Variants in DBH observed in about 807,000 individuals in gnomAD.
DBH encodes the protein dopamine beta-hydroxylase (dopamine beta-monooxygenase).
Under a neutral mutation model 64.0 loss-of-function variants are expected in DBH, and 49 were observed. The observed-to-expected ratio is 0.77, with a 90% CI of 0.61 to 0.97. The LOEUF (loss-of-function observed/expected upper bound fraction) is 0.97, where lower values mean the gene tolerates loss of function less well. Ranked by LOEUF, DBH falls within the 50% of genes least tolerant of loss-of-function variation. The pLI is 0.00. For missense variants in DBH, 828 were observed against 826.6 expected, an observed-to-expected ratio of 1.00 and a Z score of -0.02; for synonymous variants, 343 against 347.1, an observed-to-expected ratio of 0.99 and a Z score of 0.13.
At chr9:133,655,041 G>A (rs1368366568) in intron 9 of DBH, 2 of 152,346 alleles carry the variant, frequency 1.3e-5, no homozygotes, top group Non-Finnish European at 2.9e-5. Flanking sequence ...ACGTCCCAGG[G>A]CGTTCGGGGC....
Position 133,647,936 on chromosome 9 carries a change from C to A in DBH, c.1115C>A (p.Thr372Lys). Residue 372 changes from threonine to lysine, a missense_variant, in exon 6 of 12, where the codon ACG (threonine) becomes AAG (lysine). Thr to Lys is a moderately conservative substitution (Grantham distance 78). Coordinates refer to ENST00000393056, the MANE Select transcript of DBH (RefSeq NM_000787.4). The stretch of plus-strand genomic sequence containing the variant: ...ATCATGGAGCTGGGACTGGTGTACA[C>A]GCCAGTGATGGCCATTCCACCACGG... ...AGIMELGLVY[T>K]PVMAIPPRET... 1 of 1,614,150 alleles carries A rather than the reference C, an allele frequency of 6.2e-7. No homozygotes were observed. Among genetic ancestry groups the A allele is most frequent in the Non-Finnish European group, 8.5e-7 (1 of 1,180,030 alleles).
At chr9:133,657,407 A>T in intron 11 of DBH, 178 bp downstream of exon 11, 6 of 429,420 alleles carry the variant, frequency 1.4e-5, no homozygotes, top group East Asian at 5.3e-5. Flanking sequence ...GCAGAGAGAG[A>T]GGAGAGAGGA....
intron 6 of DBH, 21 bp from the exon 7 acceptor site, chr9:133,651,613 T>C (rs2131291303): frequency 6.2e-7 from 1 of 1,612,732 alleles, no homozygotes; most frequent in Non-Finnish European, 8.5e-7. Context: ...GCCCTGACAC[T>C]GCAGCCCCCC....
At position 133,640,006 on chromosome 9, in the gene DBH, G is replaced by A. The variant is rs767097532; in HGVS notation, c.486+14G>A. 1.6e-5 allele frequency: 26 copies of A among 1,613,630 alleles called. No homozygotes were observed. Among genetic ancestry groups the A allele is most frequent in the Middle Eastern group, 3.3e-4 (2 of 6,084 alleles). ...TACCTCATTGAAGTAAGGGGTGGCC[G>A]CGAGTACCCAGGAGGGCGTGGGCTG... On this transcript the variant is annotated intron_variant, in intron 2 of 11. Transcript: ENST00000393056.
In DBH at chr9:133,636,717, C is replaced by T; in HGVS notation, c.339+7C>T. On this transcript the variant is annotated splice_region_variant and intron_variant, in intron 1 of 11. Coordinates refer to ENST00000393056, the MANE Select transcript of DBH (RefSeq NM_000787.4). ...GGACACTGCCTATTTTGCGGTGAGT[C>T]TCTCCTCCCTGCCAGCTCTCCAAAC... 1 of 1,599,012 alleles carries T rather than the reference C, an allele frequency of 6.3e-7. No individual in the cohort carries two copies. Among genetic ancestry groups the T allele is most frequent in the Non-Finnish European group, 8.5e-7 (1 of 1,178,896 alleles).
rs754487601 is a variant in DBH, at chr9:133,642,278, G to A, written c.558G>A (p.Ser186=). 21 of 1,613,782 alleles carry A rather than the reference G, an allele frequency of 1.3e-5. No individual in the cohort carries two copies. The highest frequency in any genetic ancestry group is 5.3e-5 in the African/African-American group (4 of 74,926). The change falls in exon 3 of 12, where the codon TCG becomes TCA. Residue 186 remains serine, a synonymous_variant. Coordinates refer to ENST00000393056, the MANE Select transcript of DBH (RefSeq NM_000787.4). ...PFRSLEAING[S]GLQMGLQRVQ... ...GGTCACTGGAGGCCATCAACGGCTC[G>A]GGCCTGCAGATGGGGCTGCAGAGGG... is the stretch of plus-strand genomic sequence containing the variant.
At chr9:133,650,095 G>T in intron 6 of DBH, among the ~76,000 whole-genome samples, 1 of 152,314 alleles carries the variant, frequency 6.6e-6, no homozygotes, top group East Asian at 1.9e-4. Flanking sequence ...GGCATCTCTG[G>T]GCCAGGGTCG....
Position 133,643,550 on chromosome 9 carries a change from C to T in DBH, c.882C>T (p.Tyr294=), listed in dbSNP as rs1408565551. ...DSKMKPDRLN[Y]CRHVLAAWAL... is the part of the protein sequence containing the mutation. ...AGATGAAACCCGACCGCCTCAACTA[C>T]TGCCGCCACGTGCTGGCCGCCTGGG... is the stretch of plus-strand genomic sequence containing the variant. Residue 294 remains tyrosine, a synonymous_variant, in exon 4 of 12, where the codon TAC becomes TAT. Coordinates refer to ENST00000393056, the MANE Select transcript of DBH (RefSeq NM_000787.4). The surrounding 1 kb of genome is among the most constrained non-coding windows in gnomAD (Gnocchi z 5.3). 1 of 1,613,568 alleles carries T rather than the reference C, an allele frequency of 6.2e-7. No homozygotes were observed. Among genetic ancestry groups the T allele is most frequent in the South Asian group, 1.1e-5 (1 of 91,062 alleles).
At chr9:133,654,137 C>T (rs374491421) in intron 9 of DBH, among the ~76,000 whole-genome samples, 2 of 118,754 alleles carry the variant, frequency 1.7e-5, no homozygotes, top group African/African-American at 3.3e-5. Flanking sequence ...TTTTTTGAGA[C>T]GGAGTCTCGC....
intron 8 of DBH, 37 bp from the exon 9 acceptor site, chr9:133,652,889 CCTGCCAACGCCAGG>C: frequency 7.0e-7 from 1 of 1,432,948 alleles, no homozygotes; most frequent in Non-Finnish European, 9.8e-7. Flanking sequence ...GCCTCCAGCA[CCTGCCAACGCCAGG>C]TGGCAGGTGC....
chr9:133,643,347 G>A lies in DBH; in HGVS notation c.745-66G>A. On this transcript the variant is annotated intron_variant, in intron 3 of 11. Coordinates refer to ENST00000393056, the MANE Select transcript of DBH (RefSeq NM_000787.4). This position sits in a 1 kb window ranked among gnomAD's most constrained non-coding sequence, Gnocchi z 5.3. ...AGATGGGCATTCGGAAGCCCATGGAGGAGGGCTGCTGGGGAGGGGAGGGTG... is the reference window on the plus strand; with the variant it reads ...AGATGGGCATTCGGAAGCCCATGGAAGAGGGCTGCTGGGGAGGGGAGGGTG... The A allele has an allele frequency of 6.5e-7, 1 of 1,546,062 alleles. No homozygotes were observed. Among genetic ancestry groups the A allele is most frequent in the Non-Finnish European group, 8.9e-7 (1 of 1,120,560 alleles).
At position 133,656,705 on chromosome 9, in the gene DBH, C is replaced by T. The variant is rs1218662048; in HGVS notation, c.1562+55C>T. On this transcript the variant is annotated intron_variant, in intron 10 of 11. Coordinates refer to ENST00000393056, the MANE Select transcript of DBH (RefSeq NM_000787.4). Reference sequence around the variant, plus strand: ...CCCAGGGAACCCCGACACAGAACCTCGGGCCTGTTAGGCGGCTGGGCAGAT... The same window carrying T: ...CCCAGGGAACCCCGACACAGAACCTTGGGCCTGTTAGGCGGCTGGGCAGAT... 1.4e-5 allele frequency: 23 copies of T among 1,603,100 alleles called. No individual in the cohort carries two copies. In the South Asian group the frequency reaches 1.4e-4, roughly 10 times the overall value.
At chr9:133,653,882 C>A (rs1404269622) in intron 9 of DBH, among the ~76,000 whole-genome samples, 1 of 152,200 alleles carries the variant, frequency 6.6e-6, no homozygotes, top group Non-Finnish European at 1.5e-5. Context: ...GCAAATGGGC[C>A]ACCTTGCCAG....
chr9:133,639,940 T>C lies in DBH; in HGVS notation c.434T>C (p.Leu145Pro). The change falls in exon 2 of 12, where the codon CTG (leucine) becomes CCG (proline). Residue 145 changes from leucine to proline, a missense_variant. By Grantham distance (98) the Leu-to-Pro change is moderately conservative. Transcript: ENST00000393056. The part of the protein sequence containing the change: ...QVQRTPEGLT[L>P]LFKRPFGTCD... ...CAGAGGACCCCAGAAGGCCTGACCC[T>C]GCTTTTCAAGAGGCCCTTTGGCACC... is the stretch of plus-strand genomic sequence containing the variant. 1 of 1,613,898 alleles carries C rather than the reference T, an allele frequency of 6.2e-7. No individual in the cohort carries two copies. The highest frequency in any genetic ancestry group is 8.5e-7 in the Non-Finnish European group (1 of 1,179,972).
chr9:133,657,705 T>A (rs1832353721), intron 11 of DBH, among the ~76,000 whole-genome samples: 1 of 151,752 alleles, frequency 6.6e-6, no homozygotes, highest in African/African-American at 2.4e-5. Flanking sequence ...AGCTGGTTTT[T>A]TCCTCCTTAT....
At position 133,643,387 on chromosome 9, in the gene DBH, G is replaced by C. The variant is rs754624184; in HGVS notation, c.745-26G>C. On this transcript the variant is annotated intron_variant, in intron 3 of 11. Coordinates refer to ENST00000393056, the MANE Select transcript of DBH (RefSeq NM_000787.4). This position sits in a 1 kb window ranked among gnomAD's most constrained non-coding sequence, Gnocchi z 5.3. The stretch of plus-strand genomic sequence containing the variant: ...AGGGGAGGGTGGGCGGCCGGTTCCC[G>C]GGCTCAGAGGGCTGCCTCCTCACAG... 1.2e-6 allele frequency: 2 copies of C among 1,613,214 alleles called. No homozygotes were observed. Among genetic ancestry groups the C allele is most frequent in the African/African-American group, 2.7e-5 (2 of 74,976 alleles).
At chr9:133,652,525 G>A (rs1427877161) in intron 8 of DBH, among the ~76,000 whole-genome samples, 1 of 152,128 alleles carries the variant, frequency 6.6e-6, no homozygotes, top group East Asian at 1.9e-4. Flanking sequence ...CCCAGGGGAC[G>A]CGTGTCCTCA....
At position 133,652,242 on chromosome 9, in the gene DBH, C is replaced by A. The variant is rs868585761; in HGVS notation, c.1336-4C>A. 1.2e-6 allele frequency: 2 copies of A among 1,613,742 alleles called. No homozygotes were observed. Among genetic ancestry groups the A allele is most frequent in the Non-Finnish European group, 1.7e-6 (2 of 1,180,038 alleles). ...CCCCCACCCCTCGGCTCTGCCTGCCCCAGGAGATCCGCATGTTGAAGAAGG... is the reference window on the plus strand; with the variant it reads ...CCCCCACCCCTCGGCTCTGCCTGCCACAGGAGATCCGCATGTTGAAGAAGG... On this transcript the variant is annotated splice_polypyrimidine_tract_variant and splice_region_variant and intron_variant, in intron 7 of 11. Coordinates refer to ENST00000393056, the MANE Select transcript of DBH (RefSeq NM_000787.4).
chr9:133,643,971 AGG>A lies in DBH; in HGVS notation c.922-244_922-243del, dbSNP rs1236305369. Among the ~76,000 whole-genome samples, 1 of 152,082 alleles carries A rather than the reference AGG, an allele frequency of 6.6e-6. No homozygotes were observed. Among genetic ancestry groups the A allele is most frequent in the Non-Finnish European group, 1.5e-5 (1 of 67,992 alleles). On this transcript the variant is annotated intron_variant, in intron 4 of 11. Coordinates refer to ENST00000393056, the MANE Select transcript of DBH (RefSeq NM_000787.4). The surrounding 1 kb of genome is among the most constrained non-coding windows in gnomAD (Gnocchi z 5.3). Reference sequence around the variant, plus strand: ...CCCAGCTCTTACACCCGTCTAGAGAAGGGGTTTTGGGGGAAGGCTCAGCCCTA... The same window carrying A: ...CCCAGCTCTTACACCCGTCTAGAGAAGGTTTTGGGGGAAGGCTCAGCCCTA...
Sources: allele counts gnomAD v4.1 joint callset (sites outside exome capture counted in the v4.1 genomes callset), GRCh38; gene constraint gnomAD v4.1.1; non-coding constraint Gnocchi (gnomAD v3.1); transcripts MANE v1.5; gene names NCBI Gene and HGNC (gene_info 2026-07-23, HGNC 2026-07-21).